Variants in BAG6 observed in about 807,000 individuals in gnomAD.
BAG6 encodes large proline-rich protein BAG6.
Under a neutral mutation model 121.0 loss-of-function variants are expected in BAG6, and 22 were observed. The observed-to-expected ratio is 0.18, with a 90% confidence interval of 0.13 to 0.26. BAG6 has a LOEUF of 0.26. BAG6 is among the 10% of genes least tolerant of loss of function. The pLI is 1.00. For synonymous variants in BAG6, 583 were observed against 584.6 expected (o/e 1.00, Z 0.04); for missense variants, 1,233 against 1,537.7 (o/e 0.80, Z 3.31).
chr6:31,645,636 G>C (rs1274792736), intron 8 of BAG6, 32 bp from the exon 9 acceptor site: 1 of 1,608,182 alleles, frequency 6.2e-7, no homozygotes, highest in East Asian at 2.2e-5. Context: ...CAAAAAGGCA[G>C]AAAATATCAA....
chr6:31,647,353 G>A (rs542510353), intron 7 of BAG6, among the ~76,000 whole-genome samples: 4 of 152,276 alleles, frequency 2.6e-5, no homozygotes, highest in African/African-American at 9.6e-5. Context: ...GGAGAATTCC[G>A]ATCAGGCTCA....
rs773548817 is a variant in BAG6 at position 31,649,562 on chromosome 6, C to G, written c.174G>C (p.Arg58=). The G allele has an allele frequency of 1.2e-6, 2 of 1,614,050 alleles. No homozygotes were observed. The highest frequency in any genetic ancestry group is 1.7e-6 in the Non-Finnish European group (2 of 1,180,046). Residue 58 remains arginine, a synonymous_variant, in exon 3 of 26, where the codon CGG becomes CGC. Coordinates refer to ENST00000676615, the MANE Select transcript of BAG6 (RefSeq NM_001387994.1). ...ASVSIPSEKQ[R]LIYQGRVLQD... ...GCAGAACTCGTCCCTGGTAAATGAGCCGTTGTTTTTCAGATGGGATGCTGA... is the reference window on the plus strand; with the variant it reads ...GCAGAACTCGTCCCTGGTAAATGAGGCGTTGTTTTTCAGATGGGATGCTGA...
Position 31,641,886 on chromosome 6 carries a change from T to G in BAG6, c.2395A>C (p.Met799Leu). ...GGCTGGAAATGCCCATGGAGAAGCA[T>G]CACTACGTCCACCATAGAGAAGTTC... is the stretch of plus-strand genomic sequence containing the variant. ...CQNFSMVDVVMLLHGHFQPLQ... is the reference protein window; with the variant it reads ...CQNFSMVDVVLLLHGHFQPLQ... Residue 799 changes from methionine to leucine, a missense_variant, in exon 17 of 26, where the codon ATG becomes CTG. Met to Leu is a conservative substitution (Grantham distance 15, BLOSUM62 2). Coordinates refer to ENST00000676615, the MANE Select transcript of BAG6 (RefSeq NM_001387994.1). This position sits in a 1 kb window ranked among gnomAD's most constrained non-coding sequence, Gnocchi z 5.7. The G allele has an allele frequency of 6.2e-7, 1 of 1,612,876 alleles. No homozygotes were observed. Among genetic ancestry groups the G allele is most frequent in the Non-Finnish European group, 8.5e-7 (1 of 1,180,012 alleles).
In BAG6 at chr6:31,643,174, T is replaced by C. The variant is rs1784661686; in HGVS notation, c.1757-59A>G. Reference sequence around the variant, plus strand: ...GCATGGTGGCTCTTGGCTGTAATCCTAGCAACTTTGGGAGGCCAAGGCATG... The same window carrying C: ...GCATGGTGGCTCTTGGCTGTAATCCCAGCAACTTTGGGAGGCCAAGGCATG... On this transcript the variant is annotated intron_variant, in intron 14 of 25. Transcript: ENST00000676615. 2.7e-6 allele frequency: 4 copies of C among 1,500,550 alleles called. No individual in the cohort carries two copies. The South Asian group carries it at 5.1e-5, about 19-fold the overall frequency. The allele number at this position is 1,500,550 out of a possible 1,614,324, so 93.0% of individuals were successfully genotyped here.
Position 31,640,943 on chromosome 6 carries a change from G to T in BAG6, c.2788-5C>A, listed in dbSNP as rs776885665. On this transcript the variant is annotated splice_region_variant and splice_polypyrimidine_tract_variant and intron_variant, in intron 20 of 25. Coordinates refer to ENST00000676615, the MANE Select transcript of BAG6 (RefSeq NM_001387994.1). This position sits in a 1 kb window ranked among gnomAD's most constrained non-coding sequence, Gnocchi z 4.2. Reference sequence around the variant, plus strand: ...CACCCCACGAGACATACGACGCTGAGGGACAGAAAGCAGATTTAGAACACA... The same window carrying T: ...CACCCCACGAGACATACGACGCTGATGGACAGAAAGCAGATTTAGAACACA... The T allele has an allele frequency of 1.9e-6, 3 of 1,611,554 alleles. No individual in the cohort carries two copies. Among genetic ancestry groups the T allele is most frequent in the African/African-American group, 2.7e-5 (2 of 74,846 alleles).
intron 6 of BAG6, among the ~76,000 whole-genome samples, 185 bp downstream of exon 6, chr6:31,648,492 G>C (rs898399997): frequency 6.6e-6 from 1 of 152,152 alleles, no homozygotes; most frequent in Non-Finnish European, 1.5e-5. Context: ...GGCACCAAGA[G>C]GATTGGCAGA....
Position 31,645,579 on chromosome 6 carries a change from C to T in BAG6, c.944G>A (p.Arg315Gln), listed in dbSNP as rs1320680902. 4 of 1,613,002 alleles carry T rather than the reference C, an allele frequency of 2.5e-6. No homozygotes were observed. The highest frequency in any genetic ancestry group is 1.7e-5 in the Admixed American group (1 of 60,008). ...NNHEGREEDQRLINLVGESLR... is the reference protein window; with the variant it reads ...NNHEGREEDQQLINLVGESLR... The stretch of plus-strand genomic sequence containing the variant: ...GCTCTCCCCTACCAAGTTGATCAAC[C>T]GCTGATCCTCCTCCCGGCCCTCGTG... The change falls in exon 9 of 26, where the codon CGG (arginine) becomes CAG (glutamine). Residue 315 changes from arginine to glutamine, a missense_variant. Physicochemically the swap from Arg to Gln is conservative, Grantham distance 43 (BLOSUM62 1). Coordinates refer to ENST00000676615, the MANE Select transcript of BAG6 (RefSeq NM_001387994.1).
chr6:31,642,685 C>T, intron 15 of BAG6, 144 bp downstream of exon 15: 1 of 974,414 alleles, frequency 1.0e-6, no homozygotes, highest in Non-Finnish European at 1.5e-6. Flanking sequence ...ATGAAAGGTT[C>T]AGAGTCAATG....
chr6:31,639,556 C>A lies in BAG6; in HGVS notation c.3337G>T (p.Glu1113Ter). The change falls in exon 25 of 26, where the codon GAG becomes TAG. Residue 1113 changes from glutamate (E) to a stop codon, truncating the protein, a stop_gained. Coordinates refer to ENST00000676615, the MANE Select transcript of BAG6 (RefSeq NM_001387994.1). LOFTEE classifies it high-confidence loss of function. Reference sequence around the variant, plus strand: ...GCCTCCAGGTCCCGGCTCAGGCTCTCGGGGCTCGTCAGGGGCCGAGCTCCG... The same window carrying A: ...GCCTCCAGGTCCCGGCTCAGGCTCTAGGGGCTCGTCAGGGGCCGAGCTCCG... Reference protein sequence around the residue: ...AAGARPLTSPESLSRDLEAPE... With the variant: ...AAGARPLTSP 1 of 1,614,198 alleles carries A rather than the reference C, an allele frequency of 6.2e-7. No homozygotes were observed. Among genetic ancestry groups the A allele is most frequent in the Non-Finnish European group, 8.5e-7 (1 of 1,180,026 alleles).
At chr6:31,639,668 G>A (rs773119841) in intron 24 of BAG6, 22 bp from the exon 25 acceptor site, 5 of 1,591,416 alleles carry the variant, frequency 3.1e-6, no homozygotes, top group Non-Finnish European at 4.3e-6. Flanking sequence ...GGGGTTGGGA[G>A]GGAAAAGAGG....
chr6:31,651,622 A>T, intron 2 of BAG6, 34 bp downstream of exon 2: 1 of 1,579,324 alleles, frequency 6.3e-7, no homozygotes, highest in South Asian at 1.1e-5. Flanking sequence ...AGGAAAAGCT[A>T]AAGGTGTCTT....
Position 31,639,035 on chromosome 6 carries a change from A to G in BAG6, c.*96T>C. On this transcript the variant is annotated 3_prime_UTR_variant, in exon 26 of 26. Transcript: ENST00000676615. ...TACCTAATGGAGACAATGTAGAGAG[A>G]AAGCAGCCAGAAAAATCCGACTTTT... 2.0e-6 allele frequency: 2 copies of G among 986,268 alleles called. No individual in the cohort carries two copies. Among genetic ancestry groups the G allele is most frequent in the Middle Eastern group, 4.2e-4 (2 of 4,722 alleles). The allele number at this position is 986,268 out of a possible 1,614,324, so 61.1% of individuals were successfully genotyped here.
rs758314013 is a variant in BAG6, at chr6:31,649,326, G to A, written c.296C>T (p.Ser99Phe). The A allele has an allele frequency of 1.2e-6, 2 of 1,613,460 alleles. No individual in the cohort carries two copies. The highest frequency in any genetic ancestry group is 4.5e-5 in the East Asian group (2 of 44,884). Residue 99 changes from serine (S) to phenylalanine (F), a missense_variant, in exon 4 of 26, where the codon TCT (serine) becomes TTT (phenylalanine). By Grantham distance (155) the Ser-to-Phe change is radical (BLOSUM62 -2). Transcript: ENST00000676615. ...GGCTGAGGCAGACCCCGTCCCAGAA[G>A]ATGCCCCAGAAGGGAGGTGAGTCTG... ...PPQTHLPSGA[S>F]SGTGSASATH...
At chr6:31,648,577 C>A in intron 6 of BAG6, 100 bp downstream of exon 6, 2 of 1,209,870 alleles carry the variant, frequency 1.7e-6, no homozygotes, top group South Asian at 1.3e-5. Flanking sequence ...ATTATGAAGG[C>A]CAAACCCTGT....
intron 5 of BAG6, 66 bp downstream of exon 5, chr6:31,648,845 T>C: frequency 6.3e-7 from 1 of 1,583,076 alleles, no homozygotes; most frequent in South Asian, 1.2e-5. Flanking sequence ...CTCAGCCAGG[T>C]CCACCCCACC....
In BAG6 at chr6:31,644,963, A is replaced by G. The variant is rs1269915320; in HGVS notation, c.1352T>C (p.Met451Thr). The change falls in exon 10 of 26, where the codon ATG (methionine) becomes ACG (threonine). Residue 451 changes from methionine (M) to threonine (T), a missense_variant. Physicochemically the swap from Met to Thr is moderately conservative, Grantham distance 81. Around this residue, in one of 7 missense-constraint regions of BAG6, gnomAD observed 777 missense variants for 861.4 expected, o/e 0.90. Transcript: ENST00000676615. This position sits in a 1 kb window ranked among gnomAD's most constrained non-coding sequence, Gnocchi z 4.9. Reference protein sequence around the residue: ...SHQSVEPVVMMHMNIQDSGTQ... With the variant: ...SHQSVEPVVMTHMNIQDSGTQ... ...ATTCTCACCTTGAATGTTCATGTGC[A>G]TCATGACCACGGGTTCCACACTCTG... 2 of 1,590,666 alleles carry G rather than the reference A, an allele frequency of 1.3e-6. No individual in the cohort carries two copies. The highest frequency in any genetic ancestry group is 1.7e-6 in the Non-Finnish European group (2 of 1,167,746).
chr6:31,644,301 C>A lies in BAG6; in HGVS notation c.1555+6G>T. The stretch of plus-strand genomic sequence containing the variant: ...ACCTCCCAAGCCTCCCCTTCCAGGT[C>A]ATTACCTGCGGCCGCGGAGGCAACA... On this transcript the variant is annotated splice_donor_region_variant and intron_variant, in intron 12 of 25. Coordinates refer to ENST00000676615, the MANE Select transcript of BAG6 (RefSeq NM_001387994.1). This position sits in a 1 kb window ranked among gnomAD's most constrained non-coding sequence, Gnocchi z 4.9. 3 of 1,552,628 alleles carry A rather than the reference C, an allele frequency of 1.9e-6. No homozygotes were observed. In the South Asian group the frequency reaches 3.6e-5, roughly 18 times the overall value.
At position 31,644,343 on chromosome 6, in the gene BAG6, G is replaced by A. The variant is rs1350618769; in HGVS notation, c.1519C>T (p.Gln507Ter). 3 of 1,551,656 alleles carry A rather than the reference G, an allele frequency of 1.9e-6. No homozygotes were observed. The Admixed American group carries it at 5.9e-5, about 30-fold the overall frequency. The change falls in exon 12 of 26, where the codon CAG becomes TAG. Residue 507 changes from glutamine (Q) to a stop codon, truncating the protein, a stop_gained. Coordinates refer to ENST00000676615, the MANE Select transcript of BAG6 (RefSeq NM_001387994.1). LOFTEE classifies it high-confidence loss of function. The surrounding 1 kb of genome is among the most constrained non-coding windows in gnomAD (Gnocchi z 4.9). ...MHAVAHQITH[Q>*]AMVAAVASAA... ...GAGGCAACAGCTGCCACCATGGCCT[G>A]ATGAGTGATCTGGTGGGCGACGGCG... is the stretch of plus-strand genomic sequence containing the variant.
chr6:31,649,713 G>A (rs1225532881), intron 2 of BAG6, 86 bp from the exon 3 acceptor site: 2 of 1,159,052 alleles, frequency 1.7e-6, no homozygotes, highest in Non-Finnish European at 2.6e-6. Context: ...GGAGGTGAGG[G>A]GTAAAAACCA....
Sources: gnomAD v4.1 joint callset for allele counts (sites outside exome capture counted in the v4.1 genomes callset) on GRCh38, gnomAD v4.1.1 for gene constraint, gnomAD v4.1.1 regional missense constraint, Gnocchi (gnomAD v3.1) non-coding constraint, MANE v1.5 for transcripts, NCBI Gene and HGNC (gene_info 2026-07-23, HGNC 2026-07-21) for gene names.